MACF1: variants seen among roughly 807,000 people sequenced by gnomAD.
MACF1 encodes microtubule-actin cross-linking factor 1.
In MACF1, 193 loss-of-function variants were observed where a neutral mutation model predicts 854.8. The observed-to-expected ratio is 0.23, with a 90% CI of 0.20 to 0.25. The LOEUF is 0.25. MACF1 is among the 10% of genes least tolerant of loss of function. The pLI, the probability that MACF1 is intolerant of heterozygous loss-of-function variation, is 1.00. For missense variants in MACF1, 7,722 were observed against 8,929.1 expected (o/e 0.86, Z 5.45); for synonymous variants, 3,185 against 3,226.7 (o/e 0.99, Z 0.44).
intron 99 of MACF1, among the ~76,000 whole-genome samples, chr1:39,482,699 G>A (rs1017154677): frequency 2.0e-5 from 3 of 150,912 alleles, no homozygotes; most frequent in East Asian, 1.9e-4. Context: ...GGAGGCTGAG[G>A]CAGGAGATCA....
rs563114099 is a variant in MACF1, at chr1:39,285,070, G to A, written c.1132-13G>A. ...ATGGCTGTGTTTTTGGACTGAAAGA[G>A]TATCTGTTTCAGGTGTGGATTGAAT... On this transcript the variant is annotated splice_polypyrimidine_tract_variant and intron_variant, in intron 11 of 100. Coordinates refer to ENST00000564288, the MANE Select transcript of MACF1 (RefSeq NM_001394062.1). 6.8e-6 allele frequency: 11 copies of A among 1,613,836 alleles called. 1 individual carries two copies. In the South Asian group the frequency reaches 1.2e-4, roughly 18 times the overall value.
Position 39,396,092 on chromosome 1 carries a change from G to A in MACF1, c.15816+7434G>A, listed in dbSNP as rs929685540. ...GCAGTGGCTCATGCCTGTAATCCCA[G>A]CATTTTGGGAGGCTGAGGCAGGTGG... On this transcript the variant is annotated intron_variant, in intron 58 of 100. Transcript: ENST00000564288. Among the ~76,000 whole-genome samples, 6 of 152,188 alleles carry A rather than the reference G, an allele frequency of 3.9e-5. No individual in the cohort carries two copies. In the East Asian group the frequency reaches 1.2e-3, roughly 29 times the overall value.
In MACF1 at chr1:39,455,033, A is replaced by G; in HGVS notation, c.21011A>G (p.Gln7004Arg). 1 of 1,614,134 alleles carries G rather than the reference A, an allele frequency of 6.2e-7. No homozygotes were observed. The highest frequency in any genetic ancestry group is 8.5e-7 in the Non-Finnish European group (1 of 1,180,024). ...WIQWAETTLI[Q>R]RDQEPIPQNI... The stretch of plus-strand genomic sequence containing the variant: ...CAGTGGGCTGAGACCACCCTCATTC[A>G]GCGGGATCAGGAGCCAATCCCGCAG... Residue 7004 changes from glutamine (Q) to arginine (R), a missense_variant, in exon 89 of 101, where the codon CAG becomes CGG. By Grantham distance (43) the Gln-to-Arg change is conservative. This residue lies in a region of MACF1 where 729 missense variants were observed against 900.5 expected (regional missense o/e 0.81). Coordinates refer to ENST00000564288, the MANE Select transcript of MACF1 (RefSeq NM_001394062.1).
rs1644139066 is a variant in MACF1 at position 39,442,448 on chromosome 1, T to C, written c.18985T>C (p.Phe6329Leu). ...AGGGGCTCTGTTGGCCCTTGGTCAGTTCCAGCATGCCTTAGAGGAACTAAT... is the reference window on the plus strand; with the variant it reads ...AGGGGCTCTGTTGGCCCTTGGTCAGCTCCAGCATGCCTTAGAGGAACTAAT... ...LEGALLALGQ[F>L]QHALEELMSW... Residue 6329 changes from phenylalanine (F) to leucine (L), a missense_variant, in exon 77 of 101, where the codon TTC (phenylalanine) becomes CTC (leucine). Coordinates refer to ENST00000564288, the MANE Select transcript of MACF1 (RefSeq NM_001394062.1). 6.2e-7 allele frequency: 1 copy of C among 1,614,106 alleles called. No homozygotes were observed. Among genetic ancestry groups the C allele is most frequent in the African/African-American group, 1.3e-5 (1 of 74,936 alleles).
At position 39,331,203 on chromosome 1, in the gene MACF1, G is replaced by A. The variant is rs1474468777; in HGVS notation, c.4615G>A (p.Glu1539Lys). 1.0e-6 allele frequency: 1 copy of A among 983,430 alleles called. No individual in the cohort carries two copies. Among genetic ancestry groups the A allele is most frequent in the South Asian group, 1.9e-5 (1 of 54,046 alleles). The allele number at this position is 983,430 out of a possible 1,614,324, so 60.9% of individuals were successfully genotyped here. The change falls in exon 37 of 101, where the codon GAA becomes AAA. Residue 1539 changes from glutamate (E) to lysine (K), a missense_variant and splice_region_variant. Physicochemically the swap from Glu to Lys is moderately conservative, Grantham distance 56. Coordinates refer to ENST00000564288, the MANE Select transcript of MACF1 (RefSeq NM_001394062.1). ...TTTTTTTTTTTTTTTTTTTTTTTAG[G>A]AATGCAGAGCAGTTGCTGGGGTGAT... ...SQLAHQTEQK[E>K]CRAVAGVIDL...
intron 100 of MACF1, chr1:39,485,241 G>A (rs1645082754): frequency 2.7e-6 from 1 of 365,836 alleles, no homozygotes; most frequent in Non-Finnish European, 4.9e-6. Flanking sequence ...CGGCTGGCAG[G>A]CTCACCCACC....
chr1:39,107,157 G>A (rs1642265723), intron 2 of MACF1, among the ~76,000 whole-genome samples: 1 of 152,142 alleles, frequency 6.6e-6, no homozygotes, highest in Admixed American at 6.5e-5. Flanking sequence ...CCCGGGCTGT[G>A]ACAGCTTCAA....
chr1:39,392,111 G>A (rs147322602), intron 58 of MACF1, among the ~76,000 whole-genome samples: 51 of 152,312 alleles, frequency 3.3e-4, no homozygotes, highest in African/African-American at 1.1e-3. Flanking sequence ...TGTCCACCTT[G>A]TAGGGAAGTC....
chr1:39,272,096 G>C (rs1253248044), intron 6 of MACF1, among the ~76,000 whole-genome samples: 1 of 152,164 alleles, frequency 6.6e-6, no homozygotes, highest in African/African-American at 2.4e-5. Context: ...CTAAGTGACC[G>C]AGTCTCAGCT....
At chr1:39,097,436 CGGGAGGATAGCACAGT>C (rs1293943278) in intron 2 of MACF1, among the ~76,000 whole-genome samples, 1 of 151,990 alleles carries the variant, frequency 6.6e-6, no homozygotes, top group Non-Finnish European at 1.5e-5. Flanking sequence ...AACATCATGG[CGGGAGGATAGCACAGT>C]GGCTCATGTC....
In MACF1 at chr1:39,413,128, T is replaced by C. The variant is rs372642125; in HGVS notation, c.15817-9246T>C. On this transcript the variant is annotated intron_variant, in intron 58 of 100. Transcript: ENST00000564288. ...AGCTGTCGCAGGGTTCTCCCCAGAG[T>C]GGGCTGCTTTAGCTATTACAGTACC... The C allele has an allele frequency of 7.5e-5, 121 of 1,610,462 alleles. No homozygotes were observed. The Middle Eastern group carries it at 2.1e-3, about 29-fold the overall frequency.
At chr1:39,405,089 G>A (rs1427223078) in intron 58 of MACF1, among the ~76,000 whole-genome samples, 1 of 152,212 alleles carries the variant, frequency 6.6e-6, no homozygotes, top group Non-Finnish European at 1.5e-5. Context: ...CCTGCAGAGT[G>A]TGTGGAAAGT....
intron 88 of MACF1, among the ~76,000 whole-genome samples, chr1:39,454,525 G>C (rs961811974): frequency 1.3e-5 from 2 of 152,204 alleles, no homozygotes; most frequent in African/African-American, 4.8e-5. Context: ...TGTTGGCCGG[G>C]AGCAGTGGAT....
At chr1:39,287,643 T>C in intron 15 of MACF1, 81 bp downstream of exon 15, 1 of 1,430,206 alleles carries the variant, frequency 7.0e-7, no homozygotes, top group East Asian at 2.3e-5. Context: ...CAAATTGCTT[T>C]GTGTTCCCTG....
At chr1:39,407,042 T>C (rs1642743230) in intron 58 of MACF1, among the ~76,000 whole-genome samples, 1 of 152,212 alleles carries the variant, frequency 6.6e-6, no homozygotes, top group Non-Finnish European at 1.5e-5. Context: ...GTATCAGAGT[T>C]AGAAAGGACT....
chr1:39,180,676 G>A (rs562224980), intron 2 of MACF1, among the ~76,000 whole-genome samples: 4 of 152,250 alleles, frequency 2.6e-5, no homozygotes, highest in African/African-American at 7.2e-5. Flanking sequence ...CATATTTGAC[G>A]CATTTGTGAT....
At chr1:39,279,484 A>AT (rs1186081330) in intron 6 of MACF1, among the ~76,000 whole-genome samples, 5 of 151,788 alleles carry the variant, frequency 3.3e-5, no homozygotes, top group Non-Finnish European at 7.4e-5. Flanking sequence ...GAGATGACTT[A>AT]TTATTGACTT....
rs1344152149 is a variant in MACF1 at position 39,318,642 on chromosome 1, A to C, written c.3945+27A>C. ...TGAGTGTGGTAGTAGCTCTGGCGAG[A>C]AGAGTTAGAAATTTAAATTTTCTTT... On this transcript the variant is annotated intron_variant, in intron 30 of 100. Coordinates refer to ENST00000564288, the MANE Select transcript of MACF1 (RefSeq NM_001394062.1). 2.6e-6 allele frequency: 4 copies of C among 1,539,030 alleles called. No individual in the cohort carries two copies. The African/African-American group carries it at 5.6e-5, about 21-fold the overall frequency.
intron 2 of MACF1, among the ~76,000 whole-genome samples, chr1:39,147,409 CT>C (rs765361654): frequency 4.1e-5 from 6 of 145,038 alleles, no homozygotes; most frequent in Non-Finnish European, 9.0e-5. Flanking sequence ...CTTCCCTTTT[CT>C]TTTTCCTTCT....
Sources: allele counts gnomAD v4.1 joint callset (sites outside exome capture counted in the v4.1 genomes callset), GRCh38; gene constraint gnomAD v4.1.1; regional missense constraint gnomAD v4.1.1; transcripts MANE v1.5; gene names NCBI Gene and HGNC (gene_info 2026-07-23, HGNC 2026-07-21).